The following DIP2C variants were observed in gnomAD, a reference collection of about 807,000 sequenced individuals.
DIP2C encodes DIP2 acetate--CoA ligase C (putative), also known as disco-interacting protein 2 homolog C.
In DIP2C, 33 loss-of-function variants were observed where a neutral mutation model predicts 192.4. The ratio of observed to expected loss-of-function variants is 0.17; its 90% CI spans 0.13 to 0.23. DIP2C has a LOEUF of 0.23. Among genes scored for constraint, DIP2C ranks in the 10% least tolerant of loss-of-function variants. The pLI, the probability that DIP2C is intolerant of heterozygous loss-of-function variation, is 1.00. For missense variants in DIP2C, 1,537 were observed against 2,110.1 expected, an observed-to-expected ratio of 0.73 and a Z score of 5.32; for synonymous variants, 979 against 864.1, an observed-to-expected ratio of 1.13 and a Z score of -2.33.
chr10:657,238 CCG>C (rs1856409174), intron 1 of DIP2C, among the ~76,000 whole-genome samples: 1 of 82,668 alleles, frequency 1.2e-5, no homozygotes, highest in Non-Finnish European at 2.4e-5. Flanking sequence ...CCTGGACCTG[CCG>C]CTGGACCTGA....
intron 1 of DIP2C, among the ~76,000 whole-genome samples, chr10:604,350 T>C (rs1852318275): frequency 6.6e-6 from 1 of 152,266 alleles, no homozygotes; most frequent in South Asian, 2.1e-4. Flanking sequence ...TACAATACCA[T>C]AGGAGACAAA....
intron 35 of DIP2C, among the ~76,000 whole-genome samples, chr10:282,929 C>T (rs1478187645): frequency 6.6e-5 from 10 of 152,354 alleles, no homozygotes; most frequent in Middle Eastern, 3.4e-3. Context: ...GAGCAGGCAG[C>T]CTTCAGGCTT....
chr10:332,125 CTTT>C (rs557412295), intron 29 of DIP2C, among the ~76,000 whole-genome samples: 1 of 152,000 alleles, frequency 6.6e-6, no homozygotes, highest in African/African-American at 2.4e-5. Context: ...TAACTTAAAA[CTTT>C]TTTTGTGGAG....
intron 24 of DIP2C, among the ~76,000 whole-genome samples, chr10:355,300 T>C (rs1387178633): frequency 2.0e-5 from 3 of 152,232 alleles, no homozygotes; most frequent in Non-Finnish European, 4.4e-5. Context: ...CACGCGCTTC[T>C]CTGGCAGAGG....
chr10:640,626 T>A (rs1010227279), intron 1 of DIP2C, among the ~76,000 whole-genome samples: 2 of 150,390 alleles, frequency 1.3e-5, no homozygotes, highest in African/African-American at 4.9e-5. Flanking sequence ...GGGAAGAAGC[T>A]GCGCGCGGGG....
At chr10:592,818 C>T (rs1197098395) in intron 1 of DIP2C, among the ~76,000 whole-genome samples, 2 of 151,552 alleles carry the variant, frequency 1.3e-5, no homozygotes, top group African/African-American at 2.4e-5. Context: ...GAATGGAAAC[C>T]TGAAGATGTA....
chr10:515,102 G>A (rs566457378), intron 1 of DIP2C, among the ~76,000 whole-genome samples: 13 of 152,238 alleles, frequency 8.5e-5, no homozygotes, highest in African/African-American at 2.9e-4. Context: ...AATTATAAAC[G>A]TTAATTACAT....
intron 1 of DIP2C, among the ~76,000 whole-genome samples, chr10:596,496 C>CAAAAAAAAAAAAAAAAA (rs56298679): frequency 1.9e-5 from 1 of 52,934 alleles, no homozygotes; most frequent in African/African-American, 7.4e-5. Context: ...AACTCCATCT[C>CAAAAAAAAAAAAAAAAA]AAAAAAAAAA....
rs146386437 is a variant in DIP2C at position 503,133 on chromosome 10, C to T, written c.86-16603G>A. 5.0e-3 allele frequency among the ~76,000 whole-genome samples: 763 copies of T among 152,190 alleles called. 4 individuals are homozygous for T. Among genetic ancestry groups the T allele is most frequent in the African/African-American group, 0.017 (713 of 41,504 alleles). Reference sequence around the variant, plus strand: ...ACATAAATCCCGCCAGGACACTGACCTGCGGACTTACCACAATTCCAACAT... The same window carrying T: ...ACATAAATCCCGCCAGGACACTGACTTGCGGACTTACCACAATTCCAACAT... On this transcript the variant is annotated intron_variant, in intron 1 of 36. Transcript: ENST00000280886.
At chr10:284,744 T>C (rs557816397) in intron 34 of DIP2C, among the ~76,000 whole-genome samples, 3 of 151,410 alleles carry the variant, frequency 2.0e-5, no homozygotes, top group South Asian at 2.1e-4. Flanking sequence ...AATGTTCTCA[T>C]CACACACACA....
chr10:369,691 G>T (rs751423947), intron 17 of DIP2C, 58 bp from the exon 18 acceptor site: 5 of 1,612,918 alleles, frequency 3.1e-6, no homozygotes, highest in Non-Finnish European at 4.2e-6. Context: ...CACAATCACA[G>T]ATGTGCAGTC....
At chr10:581,994 A>G (rs956127051) in intron 1 of DIP2C, among the ~76,000 whole-genome samples, 3 of 151,758 alleles carry the variant, frequency 2.0e-5, no homozygotes, top group African/African-American at 7.3e-5. Flanking sequence ...CATAAGGAGC[A>G]CCTCCGAGAT....
At chr10:563,874 G>A (rs1324796819) in intron 1 of DIP2C, among the ~76,000 whole-genome samples, 12 of 152,236 alleles carry the variant, frequency 7.9e-5, no homozygotes, top group African/African-American at 2.7e-4. Context: ...AAATGAGTGT[G>A]AGTCATTTTC....
At position 689,141 on chromosome 10, in the gene DIP2C, G is replaced by C. The variant is rs1308344713; in HGVS notation, c.85+353C>G. On this transcript the variant is annotated intron_variant, in intron 1 of 36. Transcript: ENST00000280886. This position sits in a 1 kb window ranked among gnomAD's most constrained non-coding sequence, Gnocchi z 6.1. ...CCCCGCGCGGCGCCCAGGCCCCACA[G>C]ACACCCCCAGGGCGCGGGGGGATCG... Among the ~76,000 whole-genome samples the C allele has an allele frequency of 6.6e-6, 1 of 151,818 alleles. No individual in the cohort carries two copies. The highest frequency in any genetic ancestry group is 1.5e-5 in the Non-Finnish European group (1 of 67,888).
At chr10:503,818 CA>C (rs1425552097) in intron 1 of DIP2C, among the ~76,000 whole-genome samples, 1 of 152,204 alleles carries the variant, frequency 6.6e-6, no homozygotes, top group African/African-American at 2.4e-5. Flanking sequence ...TGGTTTTCAT[CA>C]CGGTTCTATA....
intron 1 of DIP2C, among the ~76,000 whole-genome samples, chr10:504,152 CAATA>C (rs1380001222): frequency 1.3e-5 from 2 of 152,220 alleles, no homozygotes; most frequent in African/African-American, 4.8e-5. Flanking sequence ...CATGAAAGAG[CAATA>C]AAGAGTATTT....
At chr10:686,353 G>A (rs894547222) in intron 1 of DIP2C, among the ~76,000 whole-genome samples, 3 of 147,776 alleles carry the variant, frequency 2.0e-5, no homozygotes, top group South Asian at 4.4e-4. Flanking sequence ...TTCCCCCCAC[G>A]TGGTCTCCCC....
At chr10:635,906 C>T (rs1022669750) in intron 1 of DIP2C, among the ~76,000 whole-genome samples, 6 of 152,164 alleles carry the variant, frequency 3.9e-5, no homozygotes, top group Admixed American at 2.0e-4. Flanking sequence ...GGTGGTGACA[C>T]TTAACCTTGT....
At chr10:620,426 G>A (rs560810791) in intron 1 of DIP2C, among the ~76,000 whole-genome samples, 22 of 152,116 alleles carry the variant, frequency 1.4e-4, no homozygotes, top group Non-Finnish European at 2.9e-4. Context: ...ACACGGAGAG[G>A]GGCTGGATCT....
Sources: allele counts gnomAD v4.1 joint callset (sites outside exome capture counted in the v4.1 genomes callset), GRCh38; gene constraint gnomAD v4.1.1; non-coding constraint Gnocchi (gnomAD v3.1); transcripts MANE v1.5; gene names NCBI Gene and HGNC (gene_info 2026-07-23, HGNC 2026-07-21).